SKIC8: variants seen among roughly 807,000 people sequenced by gnomAD.
SKIC8 encodes the protein superkiller complex protein 8.
chr15:78,289,323 C>T, the SKIC8 span, among the ~76,000 whole-genome samples: 7 of 151,984 alleles, frequency 4.6e-5, no homozygotes, highest in Admixed American at 1.3e-4. Flanking sequence ...TGAGGTGGGA[C>T]GATCCCTTGA....
At chr15:78,296,337 C>T in the SKIC8 span, among the ~76,000 whole-genome samples, 46 of 151,768 alleles carry the variant, frequency 3.0e-4, no homozygotes, top group Non-Finnish European at 5.6e-4. Context: ...ACCTAGGCAG[C>T]GGAGGTTGCA....
chr15:78,295,401 C>CTTTTTTTTTTTTTTTTTTTTTTT, the SKIC8 span: 1 of 393,860 alleles, frequency 2.5e-6, no homozygotes, highest in Non-Finnish European at 4.6e-6. Flanking sequence ...CTATTCTGAT[C>CTTTTTTTTTTTTTTTTTTTTTTT]TTTTTTTTTT....
At chr15:78,295,666 A>C in the SKIC8 span, 5 of 1,588,328 alleles carry the variant, frequency 3.1e-6, no homozygotes, top group Non-Finnish European at 4.3e-6. Context: ...CCTTCAACAC[A>C]GGTCTTACCT....
At chr15:78,288,918 C>A in the SKIC8 span, 16 of 452,526 alleles carry the variant, frequency 3.5e-5, no homozygotes, top group Middle Eastern at 6.5e-4. Flanking sequence ...TTTCATCCAC[C>A]TTCAAATTAT....
chr15:78,297,583 CATG>C, the SKIC8 span, among the ~76,000 whole-genome samples: 2 of 152,166 alleles, frequency 1.3e-5, no homozygotes, highest in Non-Finnish European at 2.9e-5. Flanking sequence ...TACACAATAT[CATG>C]ATATGAAAAT....
the SKIC8 span, among the ~76,000 whole-genome samples, chr15:78,297,479 A>C: frequency 1.3e-5 from 2 of 152,136 alleles, no homozygotes; most frequent in African/African-American, 2.4e-5. Context: ...TTTTATCAAA[A>C]TACAAAAACA....
the SKIC8 span, chr15:78,283,439 G>C: frequency 1.2e-6 from 2 of 1,612,848 alleles, no homozygotes; most frequent in Non-Finnish European, 1.7e-6. Context: ...TGTTTAAATT[G>C]GACAATCATA....
chr15:78,284,111 T>C, the SKIC8 span: 56 of 152,294 alleles, frequency 3.7e-4, no homozygotes, highest in African/African-American at 1.3e-3. Context: ...ATTGATGTGG[T>C]TGGAGTTTCT....
the SKIC8 span, chr15:78,292,447 G>C: frequency 8.9e-6 from 6 of 677,068 alleles, no homozygotes; most frequent in Non-Finnish European, 1.5e-5. Flanking sequence ...TTTCATTACA[G>C]TGCTGTTTCC....
the SKIC8 span, among the ~76,000 whole-genome samples, chr15:78,287,249 C>T: frequency 4.6e-5 from 7 of 152,328 alleles, no homozygotes; most frequent in East Asian, 1.9e-4. Flanking sequence ...TGCATTTATA[C>T]TGCCTCTGCC....
the SKIC8 span, chr15:78,290,815 CCTTTT>C: frequency 4.8e-5 from 2 of 42,074 alleles, no homozygotes; most frequent in Non-Finnish European, 1.8e-4. Context: ...CCCCATTCTT[CCTTTT>C]TTTTTTTGAG....
the SKIC8 span, chr15:78,289,525 G>T: frequency 1.1e-6 from 1 of 893,742 alleles, no homozygotes; most frequent in Non-Finnish European, 1.8e-6. Flanking sequence ...TAAATCTAAT[G>T]CCCATTTGCC....
chr15:78,285,372 G>C, the SKIC8 span: 5 of 1,604,288 alleles, frequency 3.1e-6, no homozygotes, highest in African/African-American at 1.3e-5. Flanking sequence ...GTATCGGTTT[G>C]AAGTTGGAAG....
chr15:78,288,342 G>A, the SKIC8 span: 11 of 1,613,796 alleles, frequency 6.8e-6, no homozygotes, highest in East Asian at 2.0e-4. Context: ...GGAGCTGGGA[G>A]TCCGGGGAAA....
At chr15:78,289,560 A>G in the SKIC8 span, 5 of 1,318,284 alleles carry the variant, frequency 3.8e-6, no homozygotes, top group Non-Finnish European at 5.4e-6. Context: ...CAATGAAAGA[A>G]TAATTCTTCC....
chr15:78,288,538 T>C, the SKIC8 span, among the ~76,000 whole-genome samples: 1 of 152,172 alleles, frequency 6.6e-6, no homozygotes, highest in Non-Finnish European at 1.5e-5. Context: ...GCCTTTCCTC[T>C]TAATGTTCTC....
At chr15:78,289,748 A>C in the SKIC8 span, 2 of 1,592,254 alleles carry the variant, frequency 1.3e-6, no homozygotes, top group East Asian at 4.5e-5. Flanking sequence ...TAGCACTTTC[A>C]GACTCCGTGT....
the SKIC8 span, among the ~76,000 whole-genome samples, chr15:78,296,382 G>A: frequency 6.6e-6 from 1 of 151,574 alleles, no homozygotes; most frequent in African/African-American, 2.4e-5. Context: ...CTCCAGCCTG[G>A]GTGACAGAGC....
At chr15:78,285,388 C>T in the SKIC8 span, 308 of 1,557,198 alleles carry the variant, frequency 2.0e-4, no homozygotes, top group African/African-American at 4.2e-4. Flanking sequence ...GGAAGGACTT[C>T]GACCAAAAAT....
Sources: allele counts gnomAD v4.1 joint callset (sites outside exome capture counted in the v4.1 genomes callset), GRCh38; gene constraint gnomAD v4.1.1; transcripts MANE v1.5; gene names NCBI Gene and HGNC (gene_info 2026-07-23, HGNC 2026-07-21).